Variants in PMM2 observed in about 807,000 individuals in gnomAD.
PMM2 encodes mannose-6-phosphate isomerase.
A neutral mutation model predicts 33.2 loss-of-function variants in PMM2; 35 were observed. That is an observed-to-expected ratio of 1.06 (90% CI 0.81 to 1.40). The LOEUF is 1.40. PMM2 is among the 40% of genes most tolerant of loss of function. The probability of loss-of-function intolerance (pLI) is 0.00; values close to 1 mark genes in which losing one functional copy is unlikely to be tolerated. For synonymous variants in PMM2, 153 were observed against 114.7 expected (o/e 1.33, Z -2.13); for missense variants, 386 against 306.0 (o/e 1.26, Z -1.95).
chr16:8,836,197 A>G (rs920117807), intron 7 of PMM2, among the ~76,000 whole-genome samples: 7 of 151,890 alleles, frequency 4.6e-5, no homozygotes, highest in Admixed American at 6.6e-5. Context: ...AAGGGGATGG[A>G]CTTACCCTCC....
At chr16:8,839,957 C>G (rs529664388) in intron 7 of PMM2, among the ~76,000 whole-genome samples, 28 of 149,044 alleles carry the variant, frequency 1.9e-4, no homozygotes, top group Admixed American at 1.3e-3. Context: ...GGAAGTCTTG[C>G]TGGACCTGTC....
chr16:8,847,885 A>G lies in PMM2; in HGVS notation c.*60A>G. The G allele has an allele frequency of 7.5e-7, 1 of 1,334,614 alleles. No individual in the cohort carries two copies. Among genetic ancestry groups the G allele is most frequent in the Non-Finnish European group, 1.1e-6 (1 of 936,412 alleles). 82.7% of individuals were successfully genotyped at this position (1,334,614 alleles called of 1,614,324 possible). A position where few individuals can be genotyped will look rare whatever the true frequency, so the allele number is the denominator to read the frequency against. ...AGCCAGCATAGGGCATTCGGTGGCCAGAGCCGAGGGTCCTCCCACACGTGC... is the reference window on the plus strand; with the variant it reads ...AGCCAGCATAGGGCATTCGGTGGCCGGAGCCGAGGGTCCTCCCACACGTGC... On this transcript the variant is annotated 3_prime_UTR_variant, in exon 8 of 8. Transcript: ENST00000268261.
intron 7 of PMM2, among the ~76,000 whole-genome samples, chr16:8,813,355 A>T (rs1293364660): frequency 6.6e-6 from 1 of 152,172 alleles, no homozygotes; most frequent in Non-Finnish European, 1.5e-5. Flanking sequence ...CTTTGGAATT[A>T]AACGTTGGCC....
intron 7 of PMM2, among the ~76,000 whole-genome samples, chr16:8,815,858 G>C (rs1243294406): frequency 3.3e-5 from 5 of 151,770 alleles, no homozygotes; most frequent in Non-Finnish European, 7.4e-5. Context: ...TAATCAGAAT[G>C]AAAAAGCAAC....
intron 1 of PMM2, among the ~76,000 whole-genome samples, chr16:8,799,826 G>A (rs1283409223): frequency 4.6e-5 from 7 of 152,024 alleles, no homozygotes; most frequent in African/African-American, 7.2e-5. Context: ...GATTACAGGC[G>A]TGAGCCACCG....
intron 7 of PMM2, among the ~76,000 whole-genome samples, chr16:8,840,903 G>A (rs910115334): frequency 5.9e-5 from 9 of 151,978 alleles, no homozygotes; most frequent in African/African-American, 1.9e-4. Context: ...TAGCAGCCTG[G>A]CGAATTTCCT....
intron 7 of PMM2, among the ~76,000 whole-genome samples, chr16:8,822,506 G>A (rs767264768): frequency 1.3e-5 from 2 of 152,152 alleles, no homozygotes; most frequent in Non-Finnish European, 2.9e-5. Flanking sequence ...TCCTCCCAAG[G>A]TTAGTTTGGT....
intron 7 of PMM2, among the ~76,000 whole-genome samples, chr16:8,825,062 G>A (rs1410839628): frequency 3.9e-5 from 6 of 152,136 alleles, no homozygotes; most frequent in Non-Finnish European, 7.4e-5. Flanking sequence ...GTGGAGTCTC[G>A]CTCTGTTGCC....
chr16:8,821,067 A>G (rs1450872433), intron 7 of PMM2, among the ~76,000 whole-genome samples: 2 of 152,148 alleles, frequency 1.3e-5, no homozygotes, highest in African/African-American at 4.8e-5. Context: ...AGGGCACAGA[A>G]TGGATTCTGT....
At chr16:8,826,044 G>C (rs1045227876) in intron 7 of PMM2, among the ~76,000 whole-genome samples, 4 of 152,122 alleles carry the variant, frequency 2.6e-5, no homozygotes, top group African/African-American at 7.2e-5. Context: ...ATGTGCCACC[G>C]CATCTGGCAT....
intron 7 of PMM2, among the ~76,000 whole-genome samples, chr16:8,846,313 G>T (rs886198088): frequency 6.6e-6 from 1 of 152,136 alleles, no homozygotes; most frequent in Non-Finnish European, 1.5e-5. Flanking sequence ...TGGTTTCCAC[G>T]TTGGCTTCAT....
intron 7 of PMM2, among the ~76,000 whole-genome samples, chr16:8,846,104 G>A (rs1596508712): frequency 6.6e-6 from 1 of 152,200 alleles, no homozygotes; most frequent in Non-Finnish European, 1.5e-5. Flanking sequence ...TGGACTGGAA[G>A]AGATGCCAAG....
chr16:8,802,763 G>C (rs556094648), intron 2 of PMM2, among the ~76,000 whole-genome samples: 15 of 151,582 alleles, frequency 9.9e-5, no homozygotes, highest in African/African-American at 3.4e-4. Flanking sequence ...CCAGGAGGCA[G>C]AGGTTGCAAT....
rs143727592 is a variant in PMM2, at chr16:8,832,509, C to T, written c.640-15215C>T. On this transcript the variant is annotated intron_variant, in intron 7 of 7. Coordinates refer to ENST00000268261, the MANE Select transcript of PMM2 (RefSeq NM_000303.3). Reference sequence around the variant, plus strand: ...TCGTGCCGTTAGGCCTCTGTCCCTGCATGTGACATCTGCAGGGAAGGGCAG... The same window carrying T: ...TCGTGCCGTTAGGCCTCTGTCCCTGTATGTGACATCTGCAGGGAAGGGCAG... 22,262 of 985,428 alleles carry T rather than the reference C, an allele frequency of 0.023. 306 individuals are homozygous for T. The highest frequency in any genetic ancestry group is 0.025 in the Non-Finnish European group (20,956 of 829,928). The allele number at this position is 985,428 out of a possible 1,614,324, so 61.0% of individuals were successfully genotyped here.
chr16:8,832,833 T>C (rs2060818875), intron 7 of PMM2: 4 of 985,300 alleles, frequency 4.1e-6, no homozygotes, highest in Middle Eastern at 5.2e-4. Context: ...CTTCAGCGTC[T>C]TCTCTGATGG....
Position 8,832,168 on chromosome 16 carries a change from A to C in PMM2, c.640-15556A>C, listed in dbSNP as rs113832517. 5,186 of 985,422 alleles carry C rather than the reference A, an allele frequency of 5.3e-3. 222 individuals carry two copies. The African/African-American group carries it at 0.083, about 16-fold the overall frequency. The allele number at this position is 985,422 out of a possible 1,614,324, so 61.0% of individuals were successfully genotyped here. The stretch of plus-strand genomic sequence containing the variant: ...CACAGCCCCAAGAAGGCTGCACCCC[A>C]GGAAGGAGCCCACCATGCTCTGAGA... On this transcript the variant is annotated intron_variant, in intron 7 of 7. Transcript: ENST00000268261.
intron 2 of PMM2, among the ~76,000 whole-genome samples, chr16:8,803,475 C>T (rs960842308): frequency 6.6e-6 from 1 of 152,188 alleles, no homozygotes; most frequent in African/African-American, 2.4e-5. Context: ...AAAACATTCA[C>T]AGGCCAAAAG....
intron 3 of PMM2, among the ~76,000 whole-genome samples, chr16:8,805,641 G>A (rs1480200691): frequency 2.0e-5 from 3 of 151,422 alleles, no homozygotes; most frequent in African/African-American, 7.3e-5. Flanking sequence ...TGCCCAGGCT[G>A]GAGTGCAGTG....
intron 7 of PMM2, among the ~76,000 whole-genome samples, chr16:8,816,771 G>A (rs185272821): frequency 6.6e-5 from 10 of 152,244 alleles, no homozygotes; most frequent in Non-Finnish European, 1.0e-4. Context: ...TGGCGAGGGT[G>A]TGGAGAAATT....
Sources: allele counts gnomAD v4.1 joint callset (sites outside exome capture counted in the v4.1 genomes callset), GRCh38; gene constraint gnomAD v4.1.1; transcripts MANE v1.5; gene names NCBI Gene and HGNC (gene_info 2026-07-23, HGNC 2026-07-21).